Variants in ITPKB observed in about 807,000 individuals in gnomAD.
The protein encoded by ITPKB is IP3 3-kinase B.
A neutral mutation model predicts 69.4 loss-of-function variants in ITPKB; 13 were observed. That is an observed-to-expected ratio of 0.19 (90% CI 0.12 to 0.30). ITPKB has a LOEUF of 0.30. Ranked by LOEUF, ITPKB falls within the 10% of genes least tolerant of loss-of-function variation. The pLI, the probability that ITPKB is intolerant of heterozygous loss-of-function variation, is 1.00. For synonymous variants in ITPKB, 584 were observed against 513.7 expected, an observed-to-expected ratio of 1.14 and a Z score of -1.85; for missense variants, 1,240 against 1,250.5, an observed-to-expected ratio of 0.99 and a Z score of 0.13.
intron 2 of ITPKB, among the ~76,000 whole-genome samples, chr1:226,730,369 A>G (rs1204536487): frequency 6.6e-6 from 1 of 152,192 alleles, no homozygotes; most frequent in African/African-American, 2.4e-5. Flanking sequence ...CAAATTACCA[A>G]AGAGTTCATA....
intron 2 of ITPKB, among the ~76,000 whole-genome samples, chr1:226,685,071 G>C (rs1656175888): frequency 6.6e-6 from 1 of 152,194 alleles, no homozygotes; most frequent in African/African-American, 2.4e-5. Flanking sequence ...GCCAAGCTGG[G>C]GAATGAAGGA....
intron 2 of ITPKB, among the ~76,000 whole-genome samples, chr1:226,702,820 T>C (rs1360458984): frequency 6.6e-6 from 1 of 152,204 alleles, no homozygotes; most frequent in African/African-American, 2.4e-5. Context: ...CTTGGTCCCC[T>C]GGCATTTTTT....
chr1:226,710,958 G>A lies in ITPKB; in HGVS notation c.1932+24569C>T, dbSNP rs557866699. Reference sequence around the variant, plus strand: ...TCAAAGAATTATTAAGAATTTCAAGGCAGCAATGGGCCAGGCATTCAACCC... The same window carrying A: ...TCAAAGAATTATTAAGAATTTCAAGACAGCAATGGGCCAGGCATTCAACCC... On this transcript the variant is annotated intron_variant, in intron 2 of 7. Coordinates refer to ENST00000429204, the MANE Select transcript of ITPKB (RefSeq NM_002221.4). Among the ~76,000 whole-genome samples the A allele has an allele frequency of 1.1e-4, 17 of 152,300 alleles. No homozygotes were observed. In the South Asian group the frequency reaches 3.3e-3, roughly 30 times the overall value.
chr1:226,706,780 A>G (rs890519718), intron 2 of ITPKB, among the ~76,000 whole-genome samples: 14 of 152,182 alleles, frequency 9.2e-5, no homozygotes, highest in Non-Finnish European at 1.5e-5. Flanking sequence ...CAAGGATTCC[A>G]TGAAGTTTCC....
chr1:226,661,800 T>C (rs1455701719), intron 2 of ITPKB, among the ~76,000 whole-genome samples: 1 of 152,152 alleles, frequency 6.6e-6, no homozygotes, highest in Admixed American at 6.5e-5. Context: ...AGCCTATGGA[T>C]CGGATGAACT....
chr1:226,670,528 TG>T (rs1669593604), intron 2 of ITPKB, among the ~76,000 whole-genome samples: 1 of 152,202 alleles, frequency 6.6e-6, no homozygotes, highest in African/African-American at 2.4e-5. Flanking sequence ...ATCCTTGGGA[TG>T]GATCGTTCAG....
intron 2 of ITPKB, among the ~76,000 whole-genome samples, chr1:226,687,741 C>T (rs1656248165): frequency 6.6e-6 from 1 of 152,196 alleles, no homozygotes; most frequent in Non-Finnish European, 1.5e-5. Context: ...ACACAGATAC[C>T]AACTGTGGGA....
intron 2 of ITPKB, among the ~76,000 whole-genome samples, chr1:226,703,555 G>A (rs1656727448): frequency 6.6e-6 from 1 of 152,142 alleles, no homozygotes; most frequent in South Asian, 2.1e-4. Flanking sequence ...ACGCGCGGAA[G>A]CCCGCGGCCG....
intron 2 of ITPKB, among the ~76,000 whole-genome samples, chr1:226,715,259 A>G (rs1052149960): frequency 6.6e-6 from 1 of 152,232 alleles, no homozygotes; most frequent in Admixed American, 6.5e-5. Flanking sequence ...TGTGAACTCC[A>G]TGGGTAAAGC....
At position 226,738,466 on chromosome 1, in the gene ITPKB, G is replaced by A. The variant is rs1657882363; in HGVS notation, c.-206+575C>T. Among the ~76,000 whole-genome samples, 1 of 151,840 alleles carries A rather than the reference G, an allele frequency of 6.6e-6. No homozygotes were observed. Among genetic ancestry groups the A allele is most frequent in the Admixed American group, 6.5e-5 (1 of 15,290 alleles). On this transcript the variant is annotated intron_variant, in intron 1 of 7. Transcript: ENST00000429204. The surrounding 1 kb of genome is among the most constrained non-coding windows in gnomAD (Gnocchi z 4.2). ...GTCCCCTATGGGGGGGTGTCTGTGA[G>A]TGTGTGTGTATACACGCGTGTGTGT...
chr1:226,652,672 C>G (rs541292604), intron 2 of ITPKB, among the ~76,000 whole-genome samples: 2 of 152,328 alleles, frequency 1.3e-5, no homozygotes, highest in South Asian at 4.1e-4. Flanking sequence ...CAAAGGGTAC[C>G]TGGTCCCCTG....
At chr1:226,688,035 T>C (rs1231088191) in intron 2 of ITPKB, among the ~76,000 whole-genome samples, 1 of 152,056 alleles carries the variant, frequency 6.6e-6, no homozygotes, top group Non-Finnish European at 1.5e-5. Context: ...ACGTTTTCCT[T>C]AGGAGAAATA....
Position 226,637,724 on chromosome 1 carries a change from G to A in ITPKB, c.2580C>T (p.Ala860=). Residue 860 remains alanine (A), a synonymous_variant, in exon 7 of 8, where the codon GCC becomes GCT. Coordinates refer to ENST00000429204, the MANE Select transcript of ITPKB (RefSeq NM_002221.4). The surrounding 1 kb of genome is among the most constrained non-coding windows in gnomAD (Gnocchi z 4.3). ...ILIAYRDRLK[A]IRTTLEVSPF... ...GAGAAACTTCTAGAGTGGTTCGAAT[G>A]GCCTTCAGCCGGTCCCGATAGGCGA... 1 of 1,614,040 alleles carries A rather than the reference G, an allele frequency of 6.2e-7. No individual in the cohort carries two copies.
At chr1:226,649,351 GAT>G (rs928010705) in intron 2 of ITPKB, among the ~76,000 whole-genome samples, 23 of 101,818 alleles carry the variant, frequency 2.3e-4, no homozygotes, top group African/African-American at 3.6e-4. Context: ...GTGCATATGT[GAT>G]ATATGTGCAT....
chr1:226,645,124 T>C (rs1315316486), intron 4 of ITPKB, among the ~76,000 whole-genome samples: 3 of 152,108 alleles, frequency 2.0e-5, no homozygotes, highest in Non-Finnish European at 4.4e-5. Flanking sequence ...ACATGACCCA[T>C]CTCCCAGAAT....
At chr1:226,662,838 C>G (rs1669425116) in intron 2 of ITPKB, among the ~76,000 whole-genome samples, 1 of 152,226 alleles carries the variant, frequency 6.6e-6, no homozygotes, top group Non-Finnish European at 1.5e-5. Context: ...TGCAGACTCG[C>G]AGAGAGAACC....
At chr1:226,710,719 T>G (rs1361563557) in intron 2 of ITPKB, among the ~76,000 whole-genome samples, 2 of 152,248 alleles carry the variant, frequency 1.3e-5, no homozygotes, top group Admixed American at 1.3e-4. Context: ...GTCCACTTTT[T>G]GGCCCTGCCA....
At position 226,736,634 on chromosome 1, in the gene ITPKB, A is replaced by G. The variant is rs895062931; in HGVS notation, c.825T>C (p.Ile275=). 1.2e-6 allele frequency: 2 copies of G among 1,613,460 alleles called. No homozygotes were observed. The highest frequency in any genetic ancestry group is 1.7e-6 in the Non-Finnish European group (2 of 1,179,976). The part of the protein sequence containing the change: ...PRCGSPTAME[I]DKRGSPTPGT... ...CCGGGGTAGGAGAGCCCCTTTTGTC[A>G]ATTTCCATAGCTGTGGGTGAGCCAC... Residue 275 remains isoleucine (I), a synonymous_variant, in exon 2 of 8, where the codon ATT becomes ATC. Transcript: ENST00000429204.
intron 2 of ITPKB, among the ~76,000 whole-genome samples, chr1:226,721,964 C>T (rs1254041805): frequency 2.0e-5 from 3 of 151,836 alleles, no homozygotes; most frequent in East Asian, 3.9e-4. Context: ...CAGGCGCGCA[C>T]CACCACACCC....
Sources: allele counts gnomAD v4.1 joint callset (sites outside exome capture counted in the v4.1 genomes callset), GRCh38; gene constraint gnomAD v4.1.1; non-coding constraint Gnocchi (gnomAD v3.1); transcripts MANE v1.5; gene names NCBI Gene and HGNC (gene_info 2026-07-23, HGNC 2026-07-21).